Variants in NRXN1 observed in about 807,000 individuals in gnomAD.
NRXN1 encodes neurexin 1.
In NRXN1, 39 loss-of-function variants were observed where a neutral mutation model predicts 150.9. The ratio of observed to expected loss-of-function variants is 0.26; its 90% CI spans 0.20 to 0.34. The LOEUF is 0.34. Ranked by LOEUF, NRXN1 falls within the 10% of genes least tolerant of loss-of-function variation. The pLI is 1.00. For synonymous variants in NRXN1, 924 were observed against 757.0 expected (o/e 1.22, Z -3.62); for missense variants, 1,815 against 1,949.9 (o/e 0.93, Z 1.30).
chr2:50,454,187 G>A (rs1971698), intron 17 of NRXN1, among the ~76,000 whole-genome samples: 42,022 of 151,912 alleles, frequency 0.28, 6,021 homozygotes, highest in East Asian at 0.4. Context: ...GCAGTGGGGC[G>A]TAGTGGCGCA....
chr2:50,978,009 C>T (rs1018236328), intron 2 of NRXN1, among the ~76,000 whole-genome samples: 1 of 151,388 alleles, frequency 6.6e-6, no homozygotes, highest in Non-Finnish European at 1.5e-5. Flanking sequence ...GATGGCTTTA[C>T]TAAACTTACC....
intron 18 of NRXN1, among the ~76,000 whole-genome samples, chr2:50,131,224 G>A (rs72878166): frequency 0.049 from 7,457 of 152,152 alleles, 607 homozygotes; most frequent in African/African-American, 0.17. Flanking sequence ...ATATTTATGC[G>A]GCCCTTTTCC....
At chr2:50,423,226 T>C (rs1301503174) in intron 17 of NRXN1, among the ~76,000 whole-genome samples, 11 of 152,290 alleles carry the variant, frequency 7.2e-5, no homozygotes, top group Non-Finnish European at 1.3e-4. Context: ...CTGATTTATC[T>C]AACTCTCATA....
intron 8 of NRXN1, among the ~76,000 whole-genome samples, chr2:50,595,759 A>G (rs1048795615): frequency 3.9e-5 from 6 of 152,312 alleles, no homozygotes; most frequent in Admixed American, 1.3e-4. Flanking sequence ...TTTTTTGACT[A>G]AAGTCAATTA....
At chr2:50,575,818 A>T (rs765200276) in intron 8 of NRXN1, among the ~76,000 whole-genome samples, 1 of 152,164 alleles carries the variant, frequency 6.6e-6, no homozygotes, top group African/African-American at 2.4e-5. Context: ...TCCCTTTTAC[A>T]GTAGAGCTAT....
At chr2:50,692,890 C>T (rs1402294179) in intron 5 of NRXN1, among the ~76,000 whole-genome samples, 2 of 152,060 alleles carry the variant, frequency 1.3e-5, no homozygotes, top group African/African-American at 4.8e-5. Flanking sequence ...TCCTGCATCC[C>T]AATCTGTGAC....
intron 2 of NRXN1, among the ~76,000 whole-genome samples, chr2:50,971,523 C>T (rs1694995820): frequency 1.3e-5 from 2 of 151,850 alleles, no homozygotes; most frequent in Admixed American, 6.6e-5. Context: ...GAGGAGGTTG[C>T]GGTGAGCCGA....
chr2:51,027,521 G>C lies in NRXN1; in HGVS notation c.753C>G (p.Arg251=). ...CCTTACCTTGGCTGCAGTCCTTGCC[G>C]CGGAAGCCGGTTCGCGAGCAGTCGC... The part of the protein sequence containing the change: ...AVCDCSRTGF[R]GKDCSQEDNN... The change falls in exon 2 of 23, where the codon CGC becomes CGG. Residue 251 remains arginine, a synonymous_variant. Transcript: ENST00000401669. 1.9e-6 allele frequency: 3 copies of C among 1,546,680 alleles called. No homozygotes were observed. In the African/African-American group the frequency reaches 4.1e-5, roughly 21 times the overall value.
chr2:50,219,955 TATATATATTATATATATATA>T (rs2063716149), intron 18 of NRXN1, among the ~76,000 whole-genome samples: 1 of 60,266 alleles, frequency 1.7e-5, no homozygotes, highest in Admixed American at 1.8e-4. Context: ...ATATATATAA[TATATATATTATATATATATA>T]ATATATATAT....
intron 2 of NRXN1, among the ~76,000 whole-genome samples, chr2:50,941,265 G>A (rs1376212710): frequency 6.6e-6 from 1 of 152,136 alleles, no homozygotes; most frequent in Non-Finnish European, 1.5e-5. Flanking sequence ...CTTTATAGCA[G>A]TGTGAAACAG....
intron 17 of NRXN1, among the ~76,000 whole-genome samples, chr2:50,398,379 T>C (rs1969351): frequency 5.3e-5 from 8 of 151,858 alleles, no homozygotes; most frequent in Non-Finnish European, 1.0e-4. Context: ...CTAAAAAGGG[T>C]ATACTATTCA....
intron 9 of NRXN1, among the ~76,000 whole-genome samples, chr2:50,540,899 T>G (rs2093374172): frequency 6.6e-6 from 1 of 152,152 alleles, no homozygotes; most frequent in African/African-American, 2.4e-5. Context: ...TGGCCTCAAG[T>G]GATCCACCCA....
intron 2 of NRXN1, among the ~76,000 whole-genome samples, chr2:50,956,878 T>C (rs1692369374): frequency 1.3e-5 from 2 of 152,072 alleles, no homozygotes; most frequent in Non-Finnish European, 2.9e-5. Flanking sequence ...CAGCCCCAGT[T>C]TACATACACG....
chr2:50,474,839 C>CCCA (rs1558795095), intron 15 of NRXN1, among the ~76,000 whole-genome samples: 19 of 108,806 alleles, frequency 1.7e-4, no homozygotes, highest in South Asian at 6.5e-4. Flanking sequence ...GCCCCCCTAC[C>CCCA]AAAAAAAAAA....
At chr2:50,411,171 C>T (rs529955663) in intron 17 of NRXN1, among the ~76,000 whole-genome samples, 17 of 152,114 alleles carry the variant, frequency 1.1e-4, no homozygotes, top group South Asian at 2.1e-4. Context: ...GGATTGCAGG[C>T]GCGCGCCTCC....
At chr2:50,951,976 T>G (rs1036370699) in intron 2 of NRXN1, among the ~76,000 whole-genome samples, 12 of 136,386 alleles carry the variant, frequency 8.8e-5, no homozygotes, top group African/African-American at 3.0e-4. Flanking sequence ...TTTTTTTTTT[T>G]TTTTTTTTGA....
At chr2:50,085,974 T>G (rs1698721774) in intron 19 of NRXN1, among the ~76,000 whole-genome samples, 1 of 152,116 alleles carries the variant, frequency 6.6e-6, no homozygotes, top group Non-Finnish European at 1.5e-5. Flanking sequence ...AGTCCCCAAG[T>G]GTAGTTTTTA....
In NRXN1 at chr2:49,997,461, T is replaced by A. The variant is rs569346447; in HGVS notation, c.4129-53670A>T. Among the ~76,000 whole-genome samples, 48 of 152,266 alleles carry A rather than the reference T, an allele frequency of 3.2e-4. 1 individual carries two copies. The highest frequency in any genetic ancestry group is 1.1e-3 in the African/African-American group (47 of 41,554). On this transcript the variant is annotated intron_variant, in intron 21 of 22. Transcript: ENST00000401669. ...ATAAGGCAATCTACTGGAGATGAAT[T>A]CACGAATGGAGAAAAAGACCTTTTA...
chr2:50,687,541 T>C (rs1333971590), intron 5 of NRXN1, among the ~76,000 whole-genome samples: 4 of 152,158 alleles, frequency 2.6e-5, no homozygotes, highest in Non-Finnish European at 4.4e-5. Flanking sequence ...CTTTGCTGTT[T>C]CTAATCTGTC....
Sources: gnomAD v4.1 joint callset for allele counts (sites outside exome capture counted in the v4.1 genomes callset) on GRCh38, gnomAD v4.1.1 for gene constraint, MANE v1.5 for transcripts, NCBI Gene and HGNC (gene_info 2026-07-23, HGNC 2026-07-21) for gene names.